FAM135B: variants seen among roughly 807,000 people sequenced by gnomAD.
FAM135B encodes protein FAM135B.
In FAM135B, 43 loss-of-function variants were observed where a neutral mutation model predicts 127.7. The observed-to-expected ratio is 0.34, with a 90% CI of 0.26 to 0.43. The LOEUF (loss-of-function observed/expected upper bound fraction) is 0.43. Among genes scored for constraint, FAM135B ranks in the 20% least tolerant of loss-of-function variants. The pLI, the probability that FAM135B is intolerant of heterozygous loss-of-function variation, is 1.00. For synonymous variants in FAM135B, 670 were observed against 665.1 expected (o/e 1.01, Z -0.11); for missense variants, 1,558 against 1,725.6 (o/e 0.90, Z 1.72).
At chr8:138,192,710 A>T (rs1361468953) in intron 9 of FAM135B, among the ~76,000 whole-genome samples, 1 of 152,162 alleles carries the variant, frequency 6.6e-6, no homozygotes, top group Non-Finnish European at 1.5e-5. Context: ...CCTACTCAGC[A>T]AATTATTCTT....
At chr8:138,134,450 T>C (rs764373547) in intron 19 of FAM135B, among the ~76,000 whole-genome samples, 1 of 152,204 alleles carries the variant, frequency 6.6e-6, no homozygotes, top group African/African-American at 2.4e-5. Context: ...TGCTGAGACC[T>C]TGATTGGTTT....
At chr8:138,226,184 T>TGTGTGTGTGTGCAC in intron 7 of FAM135B, among the ~76,000 whole-genome samples, 3 of 139,202 alleles carry the variant, frequency 2.2e-5, no homozygotes, top group African/African-American at 8.1e-5. Context: ...TGTGTGTGTG[T>TGTGTGTGTGTGCAC]GCGCGCATGT....
At chr8:138,451,504 C>A (rs566769060) in intron 1 of FAM135B, among the ~76,000 whole-genome samples, 1 of 152,256 alleles carries the variant, frequency 6.6e-6, no homozygotes, top group South Asian at 2.1e-4. Flanking sequence ...TCCTATGAGT[C>A]ACCTGGAGAT....
chr8:138,374,983 TAACAACAAC>T (rs58875296), intron 1 of FAM135B, among the ~76,000 whole-genome samples: 27 of 150,372 alleles, frequency 1.8e-4, no homozygotes, highest in African/African-American at 2.5e-4. Flanking sequence ...CTGGGAAAAT[TAACAACAAC>T]AACAACAACA....
chr8:138,389,818 T>C (rs79628853), intron 1 of FAM135B, among the ~76,000 whole-genome samples: 7,988 of 152,276 alleles, frequency 0.052, 705 homozygotes, highest in African/African-American at 0.18. Flanking sequence ...GTTTGTGTTA[T>C]GTGTGTTTTA....
intron 5 of FAM135B, 117 bp from the exon 6 acceptor site, chr8:138,251,131 C>T: frequency 8.6e-7 from 1 of 1,167,126 alleles, no homozygotes; most frequent in East Asian, 2.4e-5. Context: ...TCATCTCGTT[C>T]AATCCTGCAA....
intron 16 of FAM135B, among the ~76,000 whole-genome samples, chr8:138,142,281 G>GCTT (rs1413047760): frequency 2.7e-5 from 3 of 112,250 alleles, no homozygotes; most frequent in Non-Finnish European, 3.7e-5. Flanking sequence ...AACTCATTCT[G>GCTT]CTTCTTCTTT....
intron 9 of FAM135B, among the ~76,000 whole-genome samples, chr8:138,190,830 T>C (rs1816053021): frequency 6.6e-6 from 1 of 152,168 alleles, no homozygotes. Context: ...TTTCAACCTA[T>C]TGCCAATCAG....
At chr8:138,313,288 T>A (rs1452600225) in intron 2 of FAM135B, among the ~76,000 whole-genome samples, 2 of 151,998 alleles carry the variant, frequency 1.3e-5, no homozygotes, top group Non-Finnish European at 2.9e-5. Flanking sequence ...CCCACCACCA[T>A]TCCCAGCTAA....
chr8:138,384,414 G>C (rs117035593), intron 1 of FAM135B, among the ~76,000 whole-genome samples: 2 of 151,778 alleles, frequency 1.3e-5, no homozygotes, highest in Non-Finnish European at 2.9e-5. Context: ...TGTATTGGGG[G>C]CCTATTATGT....
chr8:138,418,558 T>C lies in FAM135B; in HGVS notation c.-19-50556A>G, dbSNP rs960708219. ...AAGGCAGCTAGAGAGAAGAGGTAGA[T>C]AATGTAGAAAAGGATCTCCATCAGA... is the stretch of plus-strand genomic sequence containing the variant. On this transcript the variant is annotated intron_variant, in intron 1 of 19. Transcript: ENST00000395297. 8.6e-5 allele frequency among the ~76,000 whole-genome samples: 13 copies of C among 151,696 alleles called. 1 individual carries two copies. The East Asian group carries it at 2.3e-3, about 27-fold the overall frequency.
At chr8:138,260,734 G>A (rs181740757) in intron 4 of FAM135B, among the ~76,000 whole-genome samples, 11 of 152,220 alleles carry the variant, frequency 7.2e-5, no homozygotes, top group Admixed American at 7.2e-4. Context: ...CTGCCATGAT[G>A]CTCACCAAGA....
At chr8:138,178,918 T>C (rs924714858) in intron 9 of FAM135B, among the ~76,000 whole-genome samples, 1 of 152,182 alleles carries the variant, frequency 6.6e-6, no homozygotes, top group African/African-American at 2.4e-5. Flanking sequence ...AGGTAGTTCC[T>C]ATCTATAGAA....
At chr8:138,455,713 G>T (rs1836738851) in intron 1 of FAM135B, among the ~76,000 whole-genome samples, 1 of 152,260 alleles carries the variant, frequency 6.6e-6, no homozygotes, top group Middle Eastern at 3.4e-3. Flanking sequence ...GTGGGTATGT[G>T]GGCAGATGGA....
At chr8:138,368,423 G>A (rs1297659254) in intron 1 of FAM135B, among the ~76,000 whole-genome samples, 5 of 152,218 alleles carry the variant, frequency 3.3e-5, no homozygotes. Context: ...TCTGTAACGT[G>A]AGGACTGGTA....
chr8:138,161,682 A>G (rs1032750381), intron 12 of FAM135B, among the ~76,000 whole-genome samples: 1 of 152,194 alleles, frequency 6.6e-6, no homozygotes, highest in Non-Finnish European at 1.5e-5. Flanking sequence ...GATTGCAGCA[A>G]GGAAATAACG....
intron 3 of FAM135B, among the ~76,000 whole-genome samples, chr8:138,275,612 T>C (rs1168336538): frequency 6.6e-6 from 1 of 152,088 alleles, no homozygotes; most frequent in Non-Finnish European, 1.5e-5. Flanking sequence ...GGAAGATCTC[T>C]TGAGCCCAGG....
intron 7 of FAM135B, among the ~76,000 whole-genome samples, chr8:138,220,450 G>A (rs1818941159): frequency 1.3e-5 from 2 of 152,170 alleles, no homozygotes; most frequent in African/African-American, 4.8e-5. Flanking sequence ...TCCCAGGTGT[G>A]TGTCCTGCAC....
chr8:138,338,860 C>T lies in FAM135B; in HGVS notation c.78-27940G>A, dbSNP rs536401748. 4.8e-3 allele frequency among the ~76,000 whole-genome samples: 734 copies of T among 152,176 alleles called. 5 individuals carry two copies. The highest frequency in any genetic ancestry group is 0.016 in the African/African-American group (671 of 41,510). ...CAATAGCAAAGACTTGGAACCAACC[C>T]AAATGTCCAACAATGGTAGACTGGA... On this transcript the variant is annotated intron_variant, in intron 2 of 19. Transcript: ENST00000395297.
Sources: gnomAD v4.1 joint callset for allele counts (sites outside exome capture counted in the v4.1 genomes callset) on GRCh38, gnomAD v4.1.1 for gene constraint, MANE v1.5 for transcripts, NCBI Gene and HGNC (gene_info 2026-07-23, HGNC 2026-07-21) for gene names.